Variants in MALRD1 observed in about 807,000 individuals in gnomAD.
MALRD1 encodes MAM and LDL receptor class A domain containing 1.
Under a neutral mutation model 242.1 loss-of-function variants are expected in MALRD1, and 247 were observed. The observed-to-expected ratio is 1.02, with a 90% CI of 0.92 to 1.13. The LOEUF (loss-of-function observed/expected upper bound fraction) is 1.13. MALRD1 is among the 50% of genes most tolerant of loss of function. The pLI is 0.00. For missense variants in MALRD1, 2,989 were observed against 2,533.1 expected (o/e 1.18, Z -3.86); for synonymous variants, 995 against 866.6 (o/e 1.15, Z -2.60).
chr10:19,410,146 G>T (rs1382970205), intron 28 of MALRD1, among the ~76,000 whole-genome samples: 1 of 152,072 alleles, frequency 6.6e-6, no homozygotes, highest in African/African-American at 2.4e-5. Flanking sequence ...ACTGCTTATA[G>T]TTTTTTGTCA....
intron 21 of MALRD1, among the ~76,000 whole-genome samples, chr10:19,314,763 A>G (rs1842569916): frequency 6.6e-6 from 1 of 151,514 alleles, no homozygotes; most frequent in Non-Finnish European, 1.5e-5. Context: ...TAGTTATAAC[A>G]GAGACCATAT....
At chr10:19,420,402 T>G (rs936509985) in intron 28 of MALRD1, among the ~76,000 whole-genome samples, 1 of 152,182 alleles carries the variant, frequency 6.6e-6, no homozygotes, top group Non-Finnish European at 1.5e-5. Flanking sequence ...ACATATTGAT[T>G]CTTTGAAAAG....
chr10:19,123,286 C>G lies in MALRD1; in HGVS notation c.695-206C>G, dbSNP rs79612384. Among the ~76,000 whole-genome samples the G allele has an allele frequency of 3.0e-4, 45 of 149,670 alleles. 1 individual carries two copies. In the East Asian group the frequency reaches 8.6e-3, roughly 29 times the overall value. On this transcript the variant is annotated intron_variant, in intron 5 of 39. Coordinates refer to ENST00000454679, the MANE Select transcript of MALRD1 (RefSeq NM_001142308.3). The stretch of plus-strand genomic sequence containing the variant: ...GTTGTTTTGTTCTGTTTTTCTCTGT[C>G]TCTATTTGAGTGGTGTGTATGTGTG...
chr10:19,648,231 A>G (rs139784833), intron 36 of MALRD1, among the ~76,000 whole-genome samples: 1 of 152,336 alleles, frequency 6.6e-6, no homozygotes, highest in African/African-American at 2.4e-5. Context: ...ACATGACCAA[A>G]TAGAAAGATC....
intron 29 of MALRD1, among the ~76,000 whole-genome samples, chr10:19,459,062 T>C (rs1304737767): frequency 6.6e-6 from 1 of 152,134 alleles, no homozygotes; most frequent in Non-Finnish European, 1.5e-5. Context: ...CCAGTTTCTC[T>C]ACCTTGGAAG....
At chr10:19,359,483 G>A (rs1844794258) in intron 26 of MALRD1, among the ~76,000 whole-genome samples, 1 of 151,998 alleles carries the variant, frequency 6.6e-6, no homozygotes, top group Non-Finnish European at 1.5e-5. Context: ...TTCATCATGG[G>A]TGTTGCTGGA....
At chr10:19,141,944 G>A (rs528346152) in intron 10 of MALRD1, among the ~76,000 whole-genome samples, 98 of 151,874 alleles carry the variant, frequency 6.5e-4, no homozygotes, top group East Asian at 1.6e-3. Flanking sequence ...AGGCCGAGGC[G>A]GGTGGATCAC....
At chr10:19,163,684 A>T (rs1329739850) in intron 12 of MALRD1, among the ~76,000 whole-genome samples, 1 of 152,220 alleles carries the variant, frequency 6.6e-6, no homozygotes, top group African/African-American at 2.4e-5. Flanking sequence ...ATGAGTTGAA[A>T]ACAATTGTGG....
chr10:19,163,137 TAAAA>T (rs58034381), intron 12 of MALRD1, among the ~76,000 whole-genome samples: 17 of 43,850 alleles, frequency 3.9e-4, no homozygotes, highest in African/African-American at 9.9e-4. Context: ...AAACCCTGTC[TAAAA>T]AAAAAAAAAA....
intron 18 of MALRD1, among the ~76,000 whole-genome samples, chr10:19,216,972 A>G (rs980027751): frequency 2.0e-4 from 30 of 151,546 alleles, no homozygotes; most frequent in African/African-American, 7.0e-4. Context: ...AAATAAAATA[A>G]AATTAAAAAA....
chr10:19,731,765 T>C (rs994255546), intron 39 of MALRD1, among the ~76,000 whole-genome samples: 3 of 152,214 alleles, frequency 2.0e-5, no homozygotes, highest in Non-Finnish European at 4.4e-5. Context: ...AAAGTTTTAT[T>C]ACATCTGAGT....
intron 2 of MALRD1, 111 bp downstream of exon 2, chr10:19,066,970 G>A (rs1835000104): frequency 1.4e-6 from 1 of 732,382 alleles, no homozygotes; most frequent in Non-Finnish European, 1.9e-6. Context: ...CCCACCACAT[G>A]TTTAATTAGG....
rs938495822 is a variant in MALRD1 at position 19,351,873 on chromosome 10, A to C, written c.4150-133A>C. On this transcript the variant is annotated intron_variant, in intron 25 of 39. Coordinates refer to ENST00000454679, the MANE Select transcript of MALRD1 (RefSeq NM_001142308.3). ...CTCAGTGTTAAAGTGCAGACAGAGC[A>C]AGAGAATAAACAGGTGTAATTTTCC... is the stretch of plus-strand genomic sequence containing the variant. The C allele has an allele frequency of 2.6e-5, 22 of 840,342 alleles. No individual in the cohort carries two copies. The African/African-American group carries it at 3.8e-4, about 14-fold the overall frequency. The allele number at this position is 840,342 out of a possible 1,614,324, so 52.1% of individuals were successfully genotyped here.
chr10:19,547,801 TATATATATATATATATA>T (rs367601852), intron 32 of MALRD1, among the ~76,000 whole-genome samples: 66 of 14,776 alleles, frequency 4.5e-3, no homozygotes, highest in East Asian at 9.7e-3. Context: ...TATATATATA[TATATATATATATATATA>T]TTTTTTTTTT....
intron 1 of MALRD1, among the ~76,000 whole-genome samples, chr10:19,064,154 G>T (rs963280069): frequency 3.3e-5 from 5 of 152,016 alleles, no homozygotes; most frequent in African/African-American, 1.2e-4. Flanking sequence ...TTATAAAATT[G>T]AAAACAAAGT....
intron 38 of MALRD1, among the ~76,000 whole-genome samples, chr10:19,702,452 T>A (rs964400386): frequency 2.0e-5 from 3 of 152,232 alleles, no homozygotes; most frequent in Non-Finnish European, 4.4e-5. Flanking sequence ...GCAACAATGT[T>A]ATAGCAATGA....
At chr10:19,520,547 G>A (rs1833833056) in intron 31 of MALRD1, among the ~76,000 whole-genome samples, 1 of 152,148 alleles carries the variant, frequency 6.6e-6, no homozygotes, top group Non-Finnish European at 1.5e-5. Context: ...TGGCTGATAA[G>A]CCTCAGAATG....
intron 11 of MALRD1, among the ~76,000 whole-genome samples, chr10:19,152,526 C>T (rs1833978498): frequency 6.6e-6 from 1 of 151,102 alleles, no homozygotes; most frequent in Admixed American, 6.6e-5. Flanking sequence ...TTATAATGTT[C>T]TTCATATAAA....
At chr10:19,492,810 A>G (rs977966109) in intron 30 of MALRD1, among the ~76,000 whole-genome samples, 2 of 152,178 alleles carry the variant, frequency 1.3e-5, no homozygotes, top group Admixed American at 6.5e-5. Context: ...ATGGGAAAAT[A>G]CATCAAATGT....
Sources: allele counts gnomAD v4.1 joint callset (sites outside exome capture counted in the v4.1 genomes callset), GRCh38; gene constraint gnomAD v4.1.1; transcripts MANE v1.5; gene names NCBI Gene and HGNC (gene_info 2026-07-23, HGNC 2026-07-21).